KLF8: variants seen among roughly 807,000 people sequenced by gnomAD.
KLF8 encodes Krueppel-like factor 8.
A neutral mutation model predicts 18.2 loss-of-function variants in KLF8; 10 were observed. The observed-to-expected ratio is 0.55, with a 90% CI of 0.34 to 0.93. KLF8 has a LOEUF of 0.93. KLF8 is among the 40% of genes least tolerant of loss of function. KLF8 has a pLI of 0.02. For missense variants in KLF8, 264 were observed against 277.9 expected, an observed-to-expected ratio of 0.95 and a Z score of 0.36; for synonymous variants, 109 against 97.3, an observed-to-expected ratio of 1.12 and a Z score of -0.71.
chrX:55,988,520 G>A, the KLF8 span, among the ~76,000 whole-genome samples: 5 of 111,091 alleles, frequency 4.5e-5, no homozygotes, highest in Admixed American at 9.5e-5. Context: ...GTAGATATGC[G>A]GCATTATTTC....
the KLF8 span, among the ~76,000 whole-genome samples, chrX:56,047,105 T>C: frequency 9.0e-6 from 1 of 110,514 alleles, no homozygotes; most frequent in African/African-American, 3.3e-5. Context: ...TTTGAAAGCC[T>C]TGTCTTTGAG....
the KLF8 span, among the ~76,000 whole-genome samples, chrX:55,924,716 C>T: frequency 5.4e-5 from 6 of 110,477 alleles, no homozygotes; most frequent in East Asian, 1.4e-3. Context: ...CAGGAAGAAT[C>T]GGGTGAAAGC....
the KLF8 span, among the ~76,000 whole-genome samples, chrX:56,189,570 C>G: frequency 9.0e-6 from 1 of 110,934 alleles, no homozygotes; most frequent in Non-Finnish European, 1.9e-5. Context: ...CACATGCACA[C>G]ATATGTTTAT....
chrX:56,146,500 G>A, the KLF8 span, among the ~76,000 whole-genome samples: 1 of 111,004 alleles, frequency 9.0e-6, no homozygotes, highest in South Asian at 3.9e-4. Context: ...CTCATAAGGG[G>A]TAGTTGAACA....
At chrX:56,053,463 C>G in the KLF8 span, among the ~76,000 whole-genome samples, 1 of 108,263 alleles carries the variant, frequency 9.2e-6, no homozygotes, top group African/African-American at 3.3e-5. Flanking sequence ...GGATATTGGC[C>G]TGGGGTGGGT....
chrX:56,111,503 T>C, the KLF8 span, among the ~76,000 whole-genome samples: 1 of 112,130 alleles, frequency 8.9e-6, no homozygotes, highest in East Asian at 2.8e-4. Flanking sequence ...CTAAAGAGCT[T>C]CTGCACATCA....
intron 3 of KLF8, chrX:56,266,677 G>A (rs2147655419): frequency 2.7e-6 from 2 of 753,794 alleles, no homozygotes; most frequent in South Asian, 1.3e-4. Context: ...GTTTTAGTTT[G>A]TAATCAGGAA....
chrX:56,194,940 G>C, the KLF8 span, among the ~76,000 whole-genome samples: 2 of 112,090 alleles, frequency 1.8e-5, no homozygotes, highest in African/African-American at 3.2e-5. Flanking sequence ...AGGCAAACAG[G>C]GTCTGGAGTG....
In KLF8 at chrX:56,270,077, C is replaced by T. The variant is rs753412743; in HGVS notation, c.759-105C>T. ...TTGGGGGGACCTAGCATTAAATTCACGTAAATTAAAAGCCGATATGATGTG... is the reference window on the plus strand; with the variant it reads ...TTGGGGGGACCTAGCATTAAATTCATGTAAATTAAAAGCCGATATGATGTG... On this transcript the variant is annotated intron_variant, in intron 4 of 5. Transcript: ENST00000468660. 19 of 801,551 alleles carry T rather than the reference C, an allele frequency of 2.4e-5. No individual in the cohort carries two copies. In the South Asian group the frequency reaches 3.3e-4, roughly 14 times the overall value. The allele number at this position is 801,551 out of a possible 1,213,427, so 66.1% of individuals were successfully genotyped here. A position where few individuals can be genotyped will look rare whatever the true frequency, so the allele number is the denominator to read the frequency against.
chrX:55,983,565 A>G, the KLF8 span, among the ~76,000 whole-genome samples: 11 of 112,134 alleles, frequency 9.8e-5, no homozygotes, highest in South Asian at 3.3e-3. Context: ...CTTTACTCCA[A>G]TTATTTAGAA....
At chrX:56,125,135 C>T in the KLF8 span, among the ~76,000 whole-genome samples, 1 of 111,891 alleles carries the variant, frequency 8.9e-6, no homozygotes, top group African/African-American at 3.2e-5. Context: ...AAGTGTAAAA[C>T]GTGGGTGGTG....
chrX:55,940,053 GC>G, the KLF8 span, among the ~76,000 whole-genome samples: 1 of 111,459 alleles, frequency 9.0e-6, no homozygotes, highest in Non-Finnish European at 1.9e-5. Context: ...TGATACCAAA[GC>G]CTGGCAGAGA....
chrX:56,162,983 C>G, the KLF8 span, among the ~76,000 whole-genome samples: 1 of 112,185 alleles, frequency 8.9e-6, no homozygotes, highest in African/African-American at 3.2e-5. Context: ...TTTTCTTTAT[C>G]CATTCTATCA....
At chrX:56,090,453 T>C in the KLF8 span, among the ~76,000 whole-genome samples, 1 of 112,068 alleles carries the variant, frequency 8.9e-6, no homozygotes, top group African/African-American at 3.2e-5. Context: ...ACTTATGTAT[T>C]TCAAATGTGT....
At chrX:55,954,694 A>G in the KLF8 span, among the ~76,000 whole-genome samples, 7 of 112,196 alleles carry the variant, frequency 6.2e-5, no homozygotes, top group Non-Finnish European at 1.1e-4. Flanking sequence ...TATCTACTAA[A>G]GAGAAATGAA....
chrX:56,270,377 C>CACACAA (rs2067038061), intron 5 of KLF8, 56 bp downstream of exon 5: 1 of 971,813 alleles, frequency 1.0e-6, no homozygotes, highest in Non-Finnish European at 1.3e-6. Context: ...CACACACACA[C>CACACAA]ACACGAGAGA....
the KLF8 span, among the ~76,000 whole-genome samples, chrX:56,058,287 T>TACATATATATAC: frequency 1.3e-3 from 53 of 40,493 alleles, no homozygotes; most frequent in South Asian, 0.017. Context: ...TACATATATA[T>TACATATATATAC]ATATATATAT....
chrX:56,257,601 C>T (rs1218182518), intron 2 of KLF8, among the ~76,000 whole-genome samples: 1 of 111,827 alleles, frequency 8.9e-6, no homozygotes, highest in African/African-American at 3.3e-5. Context: ...TAAATAAGAA[C>T]ATGCAGTATT....
At chrX:55,944,066 T>A in the KLF8 span, among the ~76,000 whole-genome samples, 4 of 112,364 alleles carry the variant, frequency 3.6e-5, no homozygotes, top group Admixed American at 2.8e-4. Context: ...GTTAAAGGCC[T>A]TTTCTGCATC....
Sources: allele counts gnomAD v4.1 joint callset (sites outside exome capture counted in the v4.1 genomes callset), GRCh38; gene constraint gnomAD v4.1.1; transcripts MANE v1.5; gene names NCBI Gene and HGNC (gene_info 2026-07-23, HGNC 2026-07-21).